Variants in LITAF observed in about 807,000 individuals in gnomAD.
LITAF encodes the protein lipopolysaccharide-induced tumor necrosis factor-alpha factor.
In LITAF, 9 loss-of-function variants were observed where a neutral mutation model predicts 14.5. That is an observed-to-expected ratio of 0.62 (90% CI 0.37 to 1.08). LITAF has a LOEUF of 1.08. Among genes scored for constraint, LITAF ranks in the 50% least tolerant of loss-of-function variants. The pLI is 0.01. For missense variants in LITAF, 206 were observed against 213.4 expected, an observed-to-expected ratio of 0.97 and a Z score of 0.22; for synonymous variants, 98 against 88.2, an observed-to-expected ratio of 1.11 and a Z score of -0.62.
upstream of LITAF, among the ~76,000 whole-genome samples, chr16:11,600,463 C>T (rs149891980): frequency 1.0e-3 from 152 of 152,310 alleles, 2 homozygotes; most frequent in East Asian, 0.028. This position sits in a 1 kb window ranked among gnomAD's most constrained non-coding sequence, Gnocchi z 4.1. Context: ...GGGTCCCCAG[C>T]GCAACCCCAC....
At chr16:11,579,004 C>A (rs937479142) in intron 1 of LITAF, among the ~76,000 whole-genome samples, 1 of 152,162 alleles carries the variant, frequency 6.6e-6, no homozygotes, top group Non-Finnish European at 1.5e-5. Flanking sequence ...GCCTGGCCAA[C>A]ATGGGGAAAC....
At position 11,634,533 on chromosome 16, in the gene LITAF, G is replaced by T. The variant is rs2141912004; in HGVS notation, c.-20-896C>A. Among the ~76,000 whole-genome samples, 1 of 152,254 alleles carries T rather than the reference G, an allele frequency of 6.6e-6. No individual in the cohort carries two copies. The highest frequency in any genetic ancestry group is 1.9e-4 in the East Asian group (1 of 5,186). On this transcript the variant is annotated intron_variant, in intron 2 of 3. Coordinates refer to the LITAF transcript ENST00000574848. This position sits in a 1 kb window ranked among gnomAD's most constrained non-coding sequence, Gnocchi z 4.1. ...TGCCCCTGCAGATAACATCACTATT[G>T]TAGAATCTAAGATCGGCCTTTTGAA...
At chr16:11,575,171 T>C (rs1316852290) in intron 1 of LITAF, among the ~76,000 whole-genome samples, 1 of 151,788 alleles carries the variant, frequency 6.6e-6, no homozygotes, top group Non-Finnish European at 1.5e-5. Context: ...ACACCAATGG[T>C]GGACAAAGGA....
Position 11,570,165 on chromosome 16 carries a change from C to T in LITAF, c.-5-13430G>A, listed in dbSNP as rs542722671. On this transcript the variant is annotated intron_variant, in intron 1 of 3. Coordinates refer to ENST00000622633, the MANE Select transcript of LITAF (RefSeq NM_001136472.2). ...ACGGTGTGCAAATGGGGGTGAGTTG[C>T]CAAATTTCTCTCAGGTTTCCTCATC... Among the ~76,000 whole-genome samples the T allele has an allele frequency of 3.9e-5, 6 of 152,216 alleles. No individual in the cohort carries two copies. The South Asian group carries it at 1.2e-3, about 32-fold the overall frequency.
chr16:11,564,084 T>C (rs1381487171), intron 1 of LITAF, among the ~76,000 whole-genome samples: 2 of 151,896 alleles, frequency 1.3e-5, no homozygotes, highest in East Asian at 3.9e-4. Context: ...TTTTTTTGTA[T>C]TTTTACTAGA....
upstream of LITAF, among the ~76,000 whole-genome samples, chr16:11,599,110 G>A (rs528751226): frequency 6.7e-6 from 1 of 148,262 alleles, no homozygotes; most frequent in Non-Finnish European, 1.5e-5. Context: ...GTGAGCCACC[G>A]CACCAAGCCT....
intron 1 of LITAF, chr16:11,561,330 T>C (rs759013628): frequency 1.3e-5 from 2 of 152,170 alleles, no homozygotes; most frequent in Non-Finnish European, 2.9e-5. Context: ...GTGAGGAAAC[T>C]GCATCTTTAC....
rs557626990 is a variant in LITAF, at chr16:11,574,657, AG to A, written c.-6+12228del. On this transcript the variant is annotated intron_variant, in intron 1 of 3. Transcript: ENST00000622633. ...ATCACAGCCCTTTGTGTTCCTGCCC[AG>A]CACCTGGCCCTGGGACCTTCCCTGT... 2.0e-3 allele frequency among the ~76,000 whole-genome samples: 299 copies of A among 152,252 alleles called. 1 individual carries two copies. Among genetic ancestry groups the A allele is most frequent in the African/African-American group, 6.8e-3 (284 of 41,546 alleles).
In LITAF at chr16:11,556,564, A is replaced by G; in HGVS notation, c.167T>C (p.Met56Thr). 6.2e-7 allele frequency: 1 copy of G among 1,614,184 alleles called. No individual in the cohort carries two copies. Among genetic ancestry groups the G allele is most frequent in the Non-Finnish European group, 8.5e-7 (1 of 1,180,036 alleles). Residue 56 changes from methionine to threonine, a missense_variant, in exon 2 of 4, where the codon ATG becomes ACG. Coordinates refer to ENST00000622633, the MANE Select transcript of LITAF (RefSeq NM_001136472.2). ...GLVTGPDGKG[M>T]NPPSYYTQPA... Reference sequence around the variant, plus strand: ...CTGGGTATAATACGAAGGAGGATTCATGCCCTTCCCATCAGGCCCCGTCAC... The same window carrying G: ...CTGGGTATAATACGAAGGAGGATTCGTGCCCTTCCCATCAGGCCCCGTCAC...
intron 1 of LITAF, among the ~76,000 whole-genome samples, chr16:11,561,800 C>A (rs569138850): frequency 7.0e-5 from 10 of 143,274 alleles, no homozygotes; most frequent in African/African-American, 2.3e-4. Flanking sequence ...CTCCTCATCA[C>A]CCCCCATCCC....
At chr16:11,554,244 A>G (rs2064232243) in intron 2 of LITAF, among the ~76,000 whole-genome samples, 1 of 147,826 alleles carries the variant, frequency 6.8e-6, no homozygotes, top group South Asian at 2.1e-4. Context: ...AAACAAATAA[A>G]TAAATTTTAA....
chr16:11,583,824 A>G (rs2064772466), intron 1 of LITAF, among the ~76,000 whole-genome samples: 1 of 152,154 alleles, frequency 6.6e-6, no homozygotes, highest in Non-Finnish European at 1.5e-5. Flanking sequence ...ATAAACTCCT[A>G]CCTACTGCGA....
chr16:11,608,314 G>A (rs926236595), intron 3 of LITAF, among the ~76,000 whole-genome samples: 1 of 152,236 alleles, frequency 6.6e-6, no homozygotes, highest in Non-Finnish European at 1.5e-5. Context: ...TGAGGAAAGG[G>A]ACGTAGCTGG....
In LITAF at chr16:11,547,952, A is replaced by G. The variant is rs1421919064; in HGVS notation, c.*1685T>C. On this transcript the variant is annotated 3_prime_UTR_variant, in exon 4 of 4. Coordinates refer to ENST00000622633, the MANE Select transcript of LITAF (RefSeq NM_001136472.2). Reference sequence around the variant, plus strand: ...AGGTTCTTTGTAGCAATGGCTGGAAATGCAACATGAGCCCTTTCTTCACAC... The same window carrying G: ...AGGTTCTTTGTAGCAATGGCTGGAAGTGCAACATGAGCCCTTTCTTCACAC... 1 of 454,158 alleles carries G rather than the reference A, an allele frequency of 2.2e-6. No homozygotes were observed. Among genetic ancestry groups the G allele is most frequent in the Non-Finnish European group, 4.4e-6 (1 of 226,804 alleles). The allele number at this position is 454,158 out of a possible 1,614,324, so 28.1% of individuals were successfully genotyped here.
chr16:11,551,831 CAAACA>C (rs1256554456), intron 3 of LITAF: 6 of 552,920 alleles, frequency 1.1e-5, no homozygotes, highest in South Asian at 4.2e-5. Flanking sequence ...GACTCAGCCT[CAAACA>C]AAACAAAACA....
At chr16:11,616,261 G>C (rs1424746088) in intron 3 of LITAF, among the ~76,000 whole-genome samples, 2 of 152,124 alleles carry the variant, frequency 1.3e-5, no homozygotes, top group Non-Finnish European at 2.9e-5. Flanking sequence ...ATCCCTTGAA[G>C]CCAGGGATTT....
chr16:11,574,659 C>G (rs1312775062), intron 1 of LITAF, among the ~76,000 whole-genome samples: 1 of 151,582 alleles, frequency 6.6e-6, no homozygotes, highest in Admixed American at 6.6e-5. Flanking sequence ...TCCTGCCCAG[C>G]ACCTGGCCCT....
chr16:11,561,885 C>A (rs1052319045), intron 1 of LITAF, among the ~76,000 whole-genome samples: 5 of 149,622 alleles, frequency 3.3e-5, no homozygotes, highest in Non-Finnish European at 7.4e-5. Flanking sequence ...CACACACACA[C>A]TCTCCACAAT....
rs554665642 is a variant in LITAF, at chr16:11,593,693, G to A, written c.-6+4695C>T. On this transcript the variant is annotated intron_variant, in intron 1 of 3. Coordinates refer to the LITAF transcript ENST00000571627. ...CCATAAAAAGGAACAATGCATTGATGCTTTCCACAATACACAGGGACCTCA... is the reference window on the plus strand; with the variant it reads ...CCATAAAAAGGAACAATGCATTGATACTTTCCACAATACACAGGGACCTCA... Among the ~76,000 whole-genome samples the A allele has an allele frequency of 1.2e-4, 19 of 152,332 alleles. No individual in the cohort carries two copies. The East Asian group carries it at 3.7e-3, about 29-fold the overall frequency.
Sources: gnomAD v4.1 joint callset for allele counts (sites outside exome capture counted in the v4.1 genomes callset) on GRCh38, gnomAD v4.1.1 for gene constraint, Gnocchi (gnomAD v3.1) non-coding constraint, MANE v1.5 for transcripts, NCBI Gene and HGNC (gene_info 2026-07-23, HGNC 2026-07-21) for gene names.